CADM2: variants seen among roughly 807,000 people sequenced by gnomAD.
CADM2 encodes cell adhesion molecule 2.
Under a neutral mutation model 49.8 loss-of-function variants are expected in CADM2, and 12 were observed. The observed-to-expected ratio is 0.24, with a 90% CI of 0.15 to 0.39. The LOEUF is 0.39. Among genes scored for constraint, CADM2 ranks in the 10% least tolerant of loss-of-function variants. The probability of loss-of-function intolerance (pLI) is 1.00; values close to 1 mark genes in which losing one functional copy is unlikely to be tolerated. For missense variants in CADM2, 378 were observed against 492.3 expected (o/e 0.77, Z 2.20); for synonymous variants, 214 against 175.4 (o/e 1.22, Z -1.74).
At chr3:85,775,159 A>G (rs1480608732) in intron 2 of CADM2, among the ~76,000 whole-genome samples, 4 of 151,892 alleles carry the variant, frequency 2.6e-5, no homozygotes, top group Non-Finnish European at 5.9e-5. Flanking sequence ...TAAGGTGACC[A>G]TACTGAGCAT....
intron 1 of CADM2, among the ~76,000 whole-genome samples, chr3:85,121,806 A>T (rs2038874402): frequency 6.6e-6 from 1 of 152,078 alleles, no homozygotes; most frequent in Non-Finnish European, 1.5e-5. Context: ...CTACTCAATC[A>T]TATTTTTATT....
At chr3:85,439,229 C>T (rs1302829071) in intron 1 of CADM2, among the ~76,000 whole-genome samples, 1 of 151,140 alleles carries the variant, frequency 6.6e-6, no homozygotes, top group Non-Finnish European at 1.5e-5. Flanking sequence ...TTTGAACTCA[C>T]CGCAACCTCC....
At chr3:85,534,691 A>C (rs985784604) in intron 1 of CADM2, among the ~76,000 whole-genome samples, 3 of 152,304 alleles carry the variant, frequency 2.0e-5, no homozygotes, top group African/African-American at 7.2e-5. Flanking sequence ...CTATTGTCTA[A>C]AGTGCATTTT....
intron 1 of CADM2, among the ~76,000 whole-genome samples, chr3:85,009,884 T>TAAAA: frequency 6.7e-6 from 1 of 148,400 alleles, no homozygotes; most frequent in East Asian, 2.0e-4. Flanking sequence ...AATAAATAAA[T>TAAAA]AAATAAATAA....
intron 1 of CADM2, among the ~76,000 whole-genome samples, chr3:85,699,450 T>G (rs2066678936): frequency 1.3e-5 from 2 of 152,228 alleles, no homozygotes; most frequent in Non-Finnish European, 2.9e-5. Context: ...CTTAGACATT[T>G]AGGCTTTTCC....
chr3:85,181,036 T>C (rs1322425055), intron 1 of CADM2, among the ~76,000 whole-genome samples: 1 of 152,142 alleles, frequency 6.6e-6, no homozygotes, highest in Non-Finnish European at 1.5e-5. Flanking sequence ...AGTAAAGTAA[T>C]GCACAGTGAC....
intron 1 of CADM2, among the ~76,000 whole-genome samples, chr3:85,669,173 T>G (rs2065663698): frequency 1.3e-5 from 2 of 151,688 alleles, no homozygotes; most frequent in Admixed American, 1.3e-4. Context: ...TAAGGAAAGT[T>G]TCTTTCTTCC....
intron 1 of CADM2, among the ~76,000 whole-genome samples, chr3:85,083,647 G>A (rs935739942): frequency 3.9e-5 from 6 of 151,998 alleles, no homozygotes; most frequent in African/African-American, 1.4e-4. Flanking sequence ...ATAGTTTTGG[G>A]AGAACTAAAA....
At chr3:85,855,218 C>G (rs1195416644) in intron 3 of CADM2, among the ~76,000 whole-genome samples, 1 of 152,116 alleles carries the variant, frequency 6.6e-6, no homozygotes, top group African/African-American at 2.4e-5. Context: ...AAGAAACACC[C>G]TCACTAGAAC....
intron 2 of CADM2, among the ~76,000 whole-genome samples, chr3:85,774,608 C>T (rs1339519666): frequency 6.6e-6 from 1 of 150,978 alleles, no homozygotes; most frequent in African/African-American, 2.4e-5. Context: ...GTTTATCTTC[C>T]CTAGTTTTTT....
At chr3:85,368,304 A>G (rs1285727096) in intron 1 of CADM2, among the ~76,000 whole-genome samples, 1 of 152,104 alleles carries the variant, frequency 6.6e-6, no homozygotes, top group Non-Finnish European at 1.5e-5. Context: ...GTTACAAGAA[A>G]AAGCAAAAAA....
intron 1 of CADM2, among the ~76,000 whole-genome samples, chr3:85,509,710 T>C (rs888317610): frequency 5.3e-5 from 8 of 152,116 alleles, no homozygotes; most frequent in Non-Finnish European, 8.8e-5. Flanking sequence ...TAAATAGTTA[T>C]ATCAAAAATG....
chr3:85,887,434 T>G (rs891548233), intron 5 of CADM2, among the ~76,000 whole-genome samples: 3 of 152,186 alleles, frequency 2.0e-5, no homozygotes, highest in Non-Finnish European at 2.9e-5. Context: ...CACTAATTAA[T>G]TCTTTGTAAT....
intron 1 of CADM2, among the ~76,000 whole-genome samples, chr3:85,678,427 C>T (rs1263242064): frequency 1.3e-5 from 2 of 152,148 alleles, no homozygotes; most frequent in Non-Finnish European, 2.9e-5. Flanking sequence ...TAGCACTGTT[C>T]ATCCTGAGTG....
intron 3 of CADM2, among the ~76,000 whole-genome samples, chr3:85,838,122 T>A (rs909806499): frequency 1.3e-5 from 2 of 151,838 alleles, no homozygotes; most frequent in Non-Finnish European, 1.5e-5. Context: ...GTGGTTATCT[T>A]ATTAATAGTG....
chr3:85,066,034 G>T (rs2036516875), intron 1 of CADM2, among the ~76,000 whole-genome samples: 2 of 152,106 alleles, frequency 1.3e-5, no homozygotes, highest in South Asian at 2.1e-4. Context: ...TGAGAGTGGG[G>T]ATGGTGCTAG....
chr3:85,672,141 TAAAC>T (rs1406346169), intron 1 of CADM2, among the ~76,000 whole-genome samples: 2 of 150,226 alleles, frequency 1.3e-5, no homozygotes, highest in Admixed American at 6.6e-5. Flanking sequence ...AAGAAAGAAA[TAAAC>T]AGACAAGTAA....
intron 1 of CADM2, among the ~76,000 whole-genome samples, chr3:85,015,591 G>T (rs9871853): frequency 7.6e-4 from 115 of 152,246 alleles, no homozygotes; most frequent in African/African-American, 2.4e-3. Flanking sequence ...TTAATATAAT[G>T]CCTGCCAACA....
intron 5 of CADM2, among the ~76,000 whole-genome samples, chr3:85,897,749 AT>A (rs1177749765): frequency 2.6e-5 from 4 of 152,164 alleles, no homozygotes; most frequent in Non-Finnish European, 5.9e-5. Context: ...CTAAGGACTC[AT>A]TTAACATCAG....
Sources: allele counts gnomAD v4.1 joint callset (sites outside exome capture counted in the v4.1 genomes callset), GRCh38; gene constraint gnomAD v4.1.1; transcripts MANE v1.5; gene names NCBI Gene and HGNC (gene_info 2026-07-23, HGNC 2026-07-21).